Variants in PLCH2 observed in about 807,000 individuals in gnomAD.
PLCH2 encodes the protein 1-phosphatidylinositol 4,5-bisphosphate phosphodiesterase eta-2.
A neutral mutation model predicts 134.7 loss-of-function variants in PLCH2; 98 were observed. The observed-to-expected ratio is 0.73, with a 90% confidence interval of 0.62 to 0.86. The LOEUF is 0.86. Ranked by LOEUF, PLCH2 falls within the 40% of genes least tolerant of loss-of-function variation. The probability of loss-of-function intolerance (pLI) is 0.00; values close to 1 mark genes in which losing one functional copy is unlikely to be tolerated. For synonymous variants in PLCH2, 974 were observed against 827.5 expected, an observed-to-expected ratio of 1.18 and a Z score of -3.04; for missense variants, 1,994 against 1,986.6, an observed-to-expected ratio of 1.00 and a Z score of -0.07.
At chr1:2,487,748 C>G (rs749270288) in intron 8 of PLCH2, 30 bp downstream of exon 8, 5 of 1,606,464 alleles carry the variant, frequency 3.1e-6, no homozygotes, top group Non-Finnish European at 3.4e-6. Flanking sequence ...GGGGCTGGCC[C>G]CAGAGGTGGG....
rs368105340 is a variant in PLCH2, at chr1:2,484,458, C to T, written c.656C>T (p.Thr219Met). Residue 219 changes from threonine to methionine, a missense_variant, in exon 5 of 22, where the codon ACG (threonine) becomes ATG (methionine). Physicochemically the swap from Thr to Met is moderately conservative, Grantham distance 81. Around this residue, in one of 2 missense-constraint regions of PLCH2, gnomAD observed 1,094 missense variants for 1,234.3 expected, o/e 0.89. Transcript: ENST00000378486. ...RVKQMFREAD[T>M]DDHQGTLGFE... is the part of the protein sequence containing the mutation. ...GGCCTTGCATTGCAGGAAGCGGACA[C>T]GGATGACCACCAAGGGACGCTGGGT... 37 of 1,613,050 alleles carry T rather than the reference C, an allele frequency of 2.3e-5. No homozygotes were observed. The highest frequency in any genetic ancestry group is 5.3e-5 in the African/African-American group (4 of 74,884).
rs1390045990 is a variant in PLCH2, at chr1:2,502,182, C to A, written c.2732C>A (p.Ala911Asp). Residue 911 changes from alanine to aspartate, a missense_variant, in exon 21 of 22, where the codon GCT becomes GAT. Transcript: ENST00000378486. ...GPKPGSLDSH[A>D]AGRPPARPSV... Reference sequence around the variant, plus strand: ...AAGCCCGGCTCGCTGGACAGTCATGCTGCTGGGCGGCCCCCGGCCCGGCCC... The same window carrying A: ...AAGCCCGGCTCGCTGGACAGTCATGATGCTGGGCGGCCCCCGGCCCGGCCC... 6.5e-6 allele frequency: 10 copies of A among 1,531,520 alleles called. No individual in the cohort carries two copies. The Admixed American group carries it at 2.0e-4, about 31-fold the overall frequency. The allele number at this position is 1,531,520 out of a possible 1,614,324, so 94.9% of individuals were successfully genotyped here.
At chr1:2,503,861 C>T in intron 21 of PLCH2, 61 bp from the exon 22 acceptor site, 2 of 658,534 alleles carry the variant, frequency 3.0e-6, no homozygotes, top group Non-Finnish European at 5.6e-6. Flanking sequence ...TCTCTCCCTG[C>T]CTCCCTCTCT....
chr1:2,495,378 C>T (rs923258892), intron 12 of PLCH2, 110 bp from the exon 13 acceptor site: 24 of 842,510 alleles, frequency 2.8e-5, no homozygotes, highest in Non-Finnish European at 4.1e-5. Flanking sequence ...TGGGAGGCTG[C>T]GTGGGCCGCT....
At chr1:2,485,817 C>A (rs1020987936) in intron 5 of PLCH2, among the ~76,000 whole-genome samples, 8 of 152,100 alleles carry the variant, frequency 5.3e-5, no homozygotes, top group Non-Finnish European at 1.0e-4. Flanking sequence ...TGGGTTTTAC[C>A]CAGGATCTCC....
At chr1:2,416,372 C>T in the PLCH2 span, among the ~76,000 whole-genome samples, 1 of 142,822 alleles carries the variant, frequency 7.0e-6, no homozygotes, top group Non-Finnish European at 1.5e-5. Flanking sequence ...TGAGGAAGGG[C>T]CACCCACAAG....
At chr1:2,500,897 C>T (rs1229323615) in intron 20 of PLCH2, 9 of 144,520 alleles carry the variant, frequency 6.2e-5, no homozygotes, top group East Asian at 4.3e-4. Context: ...GCGGGCAGCC[C>T]GCTGGAGCCC....
At chr1:2,437,509 C>T (rs1020865679) in intron 2 of PLCH2, among the ~76,000 whole-genome samples, 1 of 151,856 alleles carries the variant, frequency 6.6e-6, no homozygotes, top group Non-Finnish European at 1.5e-5. Context: ...AACACCCTCC[C>T]GCCCACCATC....
At chr1:2,457,573 T>TG (rs1353875850) in intron 2 of PLCH2, among the ~76,000 whole-genome samples, 1 of 152,088 alleles carries the variant, frequency 6.6e-6, no homozygotes, top group African/African-American at 2.4e-5. Flanking sequence ...GCACCCACCC[T>TG]GGGGGAGCGG....
Position 2,444,658 on chromosome 1 carries a change from G to A in PLCH2, c.115+14029G>A, listed in dbSNP as rs1460243843. Among the ~76,000 whole-genome samples, 1 of 152,070 alleles carries A rather than the reference G, an allele frequency of 6.6e-6. No individual in the cohort carries two copies. The highest frequency in any genetic ancestry group is 1.5e-5 in the Non-Finnish European group (1 of 67,974). ...GAGGAAGATGCCAAGGAGATAAGAG[G>A]CTTCCCCTCCCCTCCGCTCCCCGCC... On this transcript the variant is annotated intron_variant, in intron 2 of 3. Transcript: ENST00000609981. The surrounding 1 kb of genome is among the most constrained non-coding windows in gnomAD (Gnocchi z 4.6).
chr1:2,489,477 G>T (rs1278399290), intron 9 of PLCH2, 99 bp downstream of exon 9: 4 of 1,254,770 alleles, frequency 3.2e-6, no homozygotes, highest in Non-Finnish European at 4.5e-6. Flanking sequence ...GCCATCCATG[G>T]GCATATCTAG....
intron 1 of PLCH2, 84 bp downstream of exon 1, chr1:2,476,796 G>A (rs965725817): frequency 3.6e-6 from 5 of 1,377,864 alleles, no homozygotes; most frequent in Non-Finnish European, 3.9e-6. Context: ...CTGGAGGTGG[G>A]GGAAGCCTGG....
At chr1:2,470,710 C>T (rs965281922) in intron 1 of PLCH2, among the ~76,000 whole-genome samples, 4 of 152,166 alleles carry the variant, frequency 2.6e-5, no homozygotes, top group African/African-American at 9.7e-5. Flanking sequence ...GACCACTTGG[C>T]CCGAGGACCC....
Position 2,479,937 on chromosome 1 carries a change from G to A in PLCH2, c.475G>A (p.Asp159Asn), listed in dbSNP as rs200040569. ...GCGCTACCTCATGGCCGGCATCAGCGACGAGGACAGCCTGGCTCGCCGCCA... is the reference window on the plus strand; with the variant it reads ...GCGCTACCTCATGGCCGGCATCAGCAACGAGGACAGCCTGGCTCGCCGCCA... ...GLRYLMAGIS[D>N]EDSLARRQRT... The change falls in exon 3 of 22, where the codon GAC becomes AAC. Residue 159 changes from aspartate (D) to asparagine (N), a missense_variant. Asp to Asn is a conservative substitution (Grantham distance 23). This residue lies in a region of PLCH2 where 1,094 missense variants were observed against 1,234.3 expected (regional missense o/e 0.89). Transcript: ENST00000378486. 1.7e-3 allele frequency: 2,763 copies of A among 1,609,054 alleles called. 7 individuals are homozygous for A. The highest frequency in any genetic ancestry group is 1.7e-3 in the Non-Finnish European group (1,956 of 1,177,734).
chr1:2,483,765 GGGGGGGCGCTGACCCCCGTT>G (rs1642105839), intron 4 of PLCH2, among the ~76,000 whole-genome samples: 1 of 16,256 alleles, frequency 6.2e-5, no homozygotes, highest in Non-Finnish European at 1.5e-4. Flanking sequence ...ACCCCCGTTT[GGGGGGGCGCTGACCCCCGTT>G]TGGGGGGGCG....
chr1:2,494,722 GTCT>G, intron 11 of PLCH2, 131 bp from the exon 12 acceptor site: 1 of 426,092 alleles, frequency 2.3e-6, no homozygotes, highest in Non-Finnish European at 4.8e-6. Flanking sequence ...CTCCCCTCCC[GTCT>G]GCCTTACTCC....
rs1367800836 is a variant in PLCH2 at position 2,480,280 on chromosome 1, C to T, written c.613C>T (p.Leu205=). Residue 205 remains leucine (L), a synonymous_variant, in exon 4 of 22, where the codon CTG becomes TTG. Coordinates refer to ENST00000378486, the MANE Select transcript of PLCH2 (RefSeq NM_014638.4). ...GCTGCTGCACAAGCTCAACGTGAAC[C>T]TGCCCCGGCAGAGGGTGAAGCAGAT... The part of the protein sequence containing the change: ...LQLLHKLNVN[L]PRQRVKQMFR... The T allele has an allele frequency of 1.5e-5, 24 of 1,612,698 alleles. No homozygotes were observed. The highest frequency in any genetic ancestry group is 1.9e-5 in the Non-Finnish European group (22 of 1,179,806).
At chr1:2,455,408 G>C (rs564096071) in intron 2 of PLCH2, among the ~76,000 whole-genome samples, 1 of 152,180 alleles carries the variant, frequency 6.6e-6, no homozygotes, top group African/African-American at 2.4e-5. Context: ...CAAATTTGGC[G>C]GTTCACCCAC....
chr1:2,496,696 A>C lies in PLCH2; in HGVS notation c.1925A>C (p.Glu642Ala), dbSNP rs1642909514. The C allele has an allele frequency of 1.2e-6, 2 of 1,611,774 alleles. No homozygotes were observed. Among genetic ancestry groups the C allele is most frequent in the Admixed American group, 3.3e-5 (2 of 59,870 alleles). Residue 642 changes from glutamate (E) to alanine (A), a missense_variant, in exon 14 of 22, where the codon GAG becomes GCG. Glu to Ala is a moderately radical substitution (Grantham distance 107). This residue lies in a region of PLCH2 where 1,094 missense variants were observed against 1,234.3 expected (regional missense o/e 0.89). Transcript: ENST00000378486. ...AAGTCCGTGGCCACCCACGACATAG[A>C]GATGGAGGGTGAGTGGCTCGGGGAC... ...YTKSVATHDI[E>A]MEAASSWQVS...
Sources: gnomAD v4.1 joint callset for allele counts (sites outside exome capture counted in the v4.1 genomes callset) on GRCh38, gnomAD v4.1.1 for gene constraint, gnomAD v4.1.1 regional missense constraint, Gnocchi (gnomAD v3.1) non-coding constraint, MANE v1.5 for transcripts, NCBI Gene and HGNC (gene_info 2026-07-23, HGNC 2026-07-21) for gene names.